The following ANGPT2 variants were observed in gnomAD, a reference collection of about 807,000 sequenced individuals.
ANGPT2 encodes angiopoietin-2.
In ANGPT2, 28 loss-of-function variants were observed where a neutral mutation model predicts 62.9. The observed-to-expected ratio is 0.44, with a 90% CI of 0.33 to 0.61. The LOEUF (loss-of-function observed/expected upper bound fraction) is 0.61, where lower values mean the gene tolerates loss of function less well. Ranked by LOEUF, ANGPT2 falls within the 20% of genes least tolerant of loss-of-function variation. The pLI is 0.03. For synonymous variants in ANGPT2, 284 were observed against 207.8 expected (o/e 1.37, Z -3.15); for missense variants, 727 against 594.9 (o/e 1.22, Z -2.31).
At position 6,502,885 on chromosome 8, in the gene ANGPT2, A is replaced by C. The variant is rs375469076; in HGVS notation, c.*216T>G. 75 of 550,358 alleles carry C rather than the reference A, an allele frequency of 1.4e-4. No homozygotes were observed. The highest frequency in any genetic ancestry group is 9.1e-4 in the East Asian group (30 of 32,892). 34.1% of individuals were successfully genotyped at this position (550,358 alleles called of 1,614,324 possible). On this transcript the variant is annotated 3_prime_UTR_variant, in exon 9 of 9. Coordinates refer to ENST00000629816, the MANE Select transcript of ANGPT2 (RefSeq NM_001118887.2). ...TGCATAGGTGTTCTGTCTAATCACA[A>C]TTATGGATGTTTAGGGTCTTGCTTT...
intron 1 of ANGPT2, among the ~76,000 whole-genome samples, chr8:6,541,153 G>A (rs1653908268): frequency 1.3e-5 from 2 of 152,216 alleles, no homozygotes; most frequent in South Asian, 2.1e-4. Flanking sequence ...AGAGCAAGTT[G>A]GGCCCAGAGG....
In ANGPT2 at chr8:6,501,152, C is replaced by T. The variant is rs547523147; in HGVS notation, c.*1949G>A. On this transcript the variant is annotated 3_prime_UTR_variant, in exon 9 of 9. Coordinates refer to ENST00000629816, the MANE Select transcript of ANGPT2 (RefSeq NM_001118887.2). ...TAGTTAAATAGTTGTTGGAAAAGTG[C>T]ACCTTGGTGGAAATAAAACAGAGCC... The T allele has an allele frequency of 6.6e-6, 1 of 152,320 alleles. No homozygotes were observed. Among genetic ancestry groups the T allele is most frequent in the African/African-American group, 2.4e-5 (1 of 41,568 alleles). 9.4% of individuals were successfully genotyped at this position (152,320 alleles called of 1,614,324 possible).
intron 8 of ANGPT2, among the ~76,000 whole-genome samples, chr8:6,505,741 TC>T (rs2129564597): frequency 7.4e-6 from 1 of 134,624 alleles, no homozygotes; most frequent in South Asian, 2.3e-4. Context: ...CTATATATAT[TC>T]TTTATATATA....
At chr8:6,555,478 T>G (rs1459927305) in intron 1 of ANGPT2, among the ~76,000 whole-genome samples, 3 of 151,768 alleles carry the variant, frequency 2.0e-5, no homozygotes, top group Non-Finnish European at 4.4e-5. Flanking sequence ...TTTTTTTTTT[T>G]GGAGACAGGA....
intron 1 of ANGPT2, among the ~76,000 whole-genome samples, chr8:6,558,479 A>T (rs1218259574): frequency 6.6e-6 from 1 of 152,186 alleles, no homozygotes; most frequent in Non-Finnish European, 1.5e-5. Flanking sequence ...ACCCCAGACC[A>T]TCCTGAGCAT....
chr8:6,515,032 GTCA>G (rs1303126262), intron 5 of ANGPT2, among the ~76,000 whole-genome samples: 1 of 152,156 alleles, frequency 6.6e-6, no homozygotes, highest in Non-Finnish European at 1.5e-5. Context: ...TGACTCACTT[GTCA>G]TCATCTGTTC....
At chr8:6,513,072 A>C (rs1163785569) in intron 7 of ANGPT2, among the ~76,000 whole-genome samples, 1 of 152,238 alleles carries the variant, frequency 6.6e-6, no homozygotes, top group Non-Finnish European at 1.5e-5. Flanking sequence ...AACACTTACT[A>C]TTCACTGATT....
At chr8:6,533,573 T>TC (rs1554438351) in intron 1 of ANGPT2, among the ~76,000 whole-genome samples, 4 of 123,804 alleles carry the variant, frequency 3.2e-5, no homozygotes, top group Non-Finnish European at 7.0e-5. Context: ...TAGTTTCTTT[T>TC]TTTTTTTTTT....
chr8:6,558,106 C>G (rs1258399696), intron 1 of ANGPT2, among the ~76,000 whole-genome samples: 2 of 152,150 alleles, frequency 1.3e-5, no homozygotes, highest in Non-Finnish European at 1.5e-5. Flanking sequence ...CTTCCAACCT[C>G]TCGTCATGTC....
At chr8:6,554,407 C>T (rs746350698) in intron 1 of ANGPT2, among the ~76,000 whole-genome samples, 1 of 152,004 alleles carries the variant, frequency 6.6e-6, no homozygotes, top group Non-Finnish European at 1.5e-5. Flanking sequence ...TATCAGCCCA[C>T]AGGAAATGAT....
chr8:6,541,823 G>A (rs1217515538), intron 1 of ANGPT2, among the ~76,000 whole-genome samples: 1 of 152,020 alleles, frequency 6.6e-6, no homozygotes, highest in Non-Finnish European at 1.5e-5. Flanking sequence ...AGGCAACATG[G>A]CGAGACTCCA....
chr8:6,559,127 G>C (rs1310332055), intron 1 of ANGPT2, among the ~76,000 whole-genome samples: 1 of 152,066 alleles, frequency 6.6e-6, no homozygotes, highest in Non-Finnish European at 1.5e-5. Context: ...CAGTGGCTGT[G>C]AATGGGATGG....
chr8:6,556,019 G>C (rs1222310872), intron 1 of ANGPT2, among the ~76,000 whole-genome samples: 1 of 152,142 alleles, frequency 6.6e-6, no homozygotes, highest in Non-Finnish European at 1.5e-5. Context: ...TGGGGACTTG[G>C]TATCTCAGGC....
intron 7 of ANGPT2, among the ~76,000 whole-genome samples, chr8:6,512,060 A>G (rs1416041779): frequency 1.3e-5 from 2 of 152,030 alleles, no homozygotes; most frequent in Non-Finnish European, 2.9e-5. Context: ...TGAGGCCCAA[A>G]CACCTATCTT....
intron 3 of ANGPT2, among the ~76,000 whole-genome samples, chr8:6,522,328 C>T (rs1208595098): frequency 6.6e-6 from 1 of 151,356 alleles, no homozygotes; most frequent in Non-Finnish European, 1.5e-5. Context: ...GCACTCCAGC[C>T]TGGGCGACAG....
At chr8:6,541,637 G>T (rs964035188) in intron 1 of ANGPT2, among the ~76,000 whole-genome samples, 1 of 152,126 alleles carries the variant, frequency 6.6e-6, no homozygotes, top group Non-Finnish European at 1.5e-5. Flanking sequence ...TAAATTCTCA[G>T]CTTAGAAGAT....
intron 3 of ANGPT2, among the ~76,000 whole-genome samples, chr8:6,523,405 A>T (rs1817733782): frequency 6.6e-6 from 1 of 152,230 alleles, no homozygotes; most frequent in Non-Finnish European, 1.5e-5. Flanking sequence ...CAACTTATAA[A>T]CATACATTGC....
intron 2 of ANGPT2, among the ~76,000 whole-genome samples, chr8:6,531,001 T>C (rs1444660052): frequency 6.6e-6 from 1 of 151,940 alleles, no homozygotes; most frequent in South Asian, 2.1e-4. Flanking sequence ...AATCTGCTCT[T>C]TTTTTAAAAG....
At chr8:6,532,570 T>G in intron 1 of ANGPT2, 83 bp from the exon 2 acceptor site, 1 of 761,798 alleles carries the variant, frequency 1.3e-6, no homozygotes, top group Non-Finnish European at 1.8e-6. Flanking sequence ...CTCCTCCCTA[T>G]CTTTAAAAAA....
Sources: gnomAD v4.1 joint callset for allele counts (sites outside exome capture counted in the v4.1 genomes callset) on GRCh38, gnomAD v4.1.1 for gene constraint, MANE v1.5 for transcripts, NCBI Gene and HGNC (gene_info 2026-07-23, HGNC 2026-07-21) for gene names.